FAM178B: variants seen among roughly 807,000 people sequenced by gnomAD.
The protein encoded by FAM178B is protein FAM178B.
In FAM178B, 82 loss-of-function variants were observed where a neutral mutation model predicts 91.7. The observed-to-expected ratio is 0.89, with a 90% CI of 0.75 to 1.07. The LOEUF is 1.07. FAM178B is among the 50% of genes least tolerant of loss of function. The pLI, the probability that FAM178B is intolerant of heterozygous loss-of-function variation, is 0.00. For synonymous variants in FAM178B, 368 were observed against 359.4 expected, an observed-to-expected ratio of 1.02 and a Z score of -0.27; for missense variants, 769 against 846.7, an observed-to-expected ratio of 0.91 and a Z score of 1.14.
chr2:96,972,666 C>A, intron 1 of FAM178B, 60 bp from the exon 2 acceptor site: 2 of 1,469,310 alleles, frequency 1.4e-6, no homozygotes, highest in Admixed American at 3.9e-5. Context: ...AGGTTCTAAA[C>A]CCCGTGATTC....
intron 1 of FAM178B, among the ~76,000 whole-genome samples, chr2:96,981,114 C>T (rs531194282): frequency 1.3e-5 from 2 of 151,998 alleles, no homozygotes; most frequent in African/African-American, 2.4e-5. Context: ...TACAGGCACC[C>T]GCCACCATGC....
intron 1 of FAM178B, among the ~76,000 whole-genome samples, chr2:96,979,444 T>C (rs1056856078): frequency 2.0e-5 from 3 of 151,968 alleles, no homozygotes; most frequent in Admixed American, 6.6e-5. Flanking sequence ...TCAAGTAATC[T>C]GCCCGCCTTA....
intron 8 of FAM178B, among the ~76,000 whole-genome samples, chr2:96,940,285 G>A (rs1332487138): frequency 6.6e-6 from 1 of 152,148 alleles, no homozygotes; most frequent in Non-Finnish European, 1.5e-5. Context: ...CCACACATAT[G>A]GGCAGCTGCT....
At chr2:96,946,893 G>A (rs1039712200) in intron 8 of FAM178B, among the ~76,000 whole-genome samples, 4 of 152,232 alleles carry the variant, frequency 2.6e-5, no homozygotes, top group Non-Finnish European at 1.5e-5. Flanking sequence ...GGGCGGAGGA[G>A]TCTGGAATGC....
intron 16 of FAM178B, among the ~76,000 whole-genome samples, chr2:96,877,091 G>A (rs1262086243): frequency 6.6e-6 from 1 of 152,104 alleles, no homozygotes; most frequent in Non-Finnish European, 1.5e-5. Context: ...GTGGGTTCTT[G>A]AGAAACGGAT....
chr2:96,884,724 G>A lies in FAM178B; in HGVS notation c.1777-6231C>T, dbSNP rs142318803. Reference sequence around the variant, plus strand: ...GTCTTCCCTGCCCCATGAGCAAACCGCACAACCTCTTCCCCTTGGCCAGGC... The same window carrying A: ...GTCTTCCCTGCCCCATGAGCAAACCACACAACCTCTTCCCCTTGGCCAGGC... On this transcript the variant is annotated intron_variant, in intron 14 of 16. Coordinates refer to ENST00000490605, the MANE Select transcript of FAM178B (RefSeq NM_001122646.3). Among the ~76,000 whole-genome samples the A allele has an allele frequency of 8.3e-4, 126 of 152,314 alleles. 1 individual carries two copies. The highest frequency in any genetic ancestry group is 7.3e-3 in the East Asian group (38 of 5,174).
chr2:96,928,289 G>C (rs556664064), intron 9 of FAM178B, among the ~76,000 whole-genome samples: 4 of 152,158 alleles, frequency 2.6e-5, no homozygotes, highest in Non-Finnish European at 5.9e-5. Flanking sequence ...CCTTCTTCAA[G>C]GGTTCTCAAG....
intron 13 of FAM178B, among the ~76,000 whole-genome samples, chr2:96,900,306 C>T (rs1195119436): frequency 6.6e-6 from 1 of 152,096 alleles, no homozygotes; most frequent in Non-Finnish European, 1.5e-5. Context: ...ATGAAGTAAC[C>T]TCAGCACCGG....
intron 12 of FAM178B, among the ~76,000 whole-genome samples, chr2:96,918,110 A>T (rs1305809458): frequency 6.6e-6 from 1 of 151,864 alleles, no homozygotes; most frequent in African/African-American, 2.4e-5. Context: ...AATTCTCTGC[A>T]TTATCCATAA....
rs2081924225 is a variant in FAM178B, at chr2:96,951,357, GTGGCAGGCCTGCGGTCCTC to G, written c.993+3_993+21del. 1 of 1,528,342 alleles carries G rather than the reference GTGGCAGGCCTGCGGTCCTC, an allele frequency of 6.5e-7. No individual in the cohort carries two copies. Among genetic ancestry groups the G allele is most frequent in the African/African-American group, 1.4e-5 (1 of 72,608 alleles). The allele number at this position is 1,528,342 out of a possible 1,614,324, so 94.7% of individuals were successfully genotyped here. On this transcript the variant is annotated splice_donor_5th_base_variant and intron_variant, in intron 7 of 16. Transcript: ENST00000490605. ...CAGACTGCAGCGCTCCCGCCACCTA[GTGGCAGGCCTGCGGTCCTC>G]ACCTGGAACAGCCACTGGAGCAGGG...
chr2:96,956,831 GT>G (rs1344129608), intron 6 of FAM178B: 3 of 152,238 alleles, frequency 2.0e-5, no homozygotes, highest in Non-Finnish European at 4.4e-5. Context: ...CAGCAACTTT[GT>G]GTATGGAATT....
At chr2:96,946,677 C>T (rs879613758) in intron 8 of FAM178B, among the ~76,000 whole-genome samples, 2 of 152,264 alleles carry the variant, frequency 1.3e-5, no homozygotes, top group Non-Finnish European at 2.9e-5. Flanking sequence ...GGCATCCCCT[C>T]TGCCTCAGCG....
chr2:96,934,400 G>A (rs981256556), intron 8 of FAM178B, among the ~76,000 whole-genome samples: 20 of 152,146 alleles, frequency 1.3e-4, no homozygotes, highest in Non-Finnish European at 5.9e-5. Flanking sequence ...AGATGGGGGC[G>A]AGAGAGAAGC....
intron 1 of FAM178B, among the ~76,000 whole-genome samples, chr2:96,981,454 A>G (rs1402958732): frequency 6.6e-6 from 1 of 152,192 alleles, no homozygotes; most frequent in Admixed American, 6.6e-5. Flanking sequence ...CAATTTATCA[A>G]CATTTTCTTC....
At chr2:96,975,849 C>G (rs901264197) in intron 1 of FAM178B, among the ~76,000 whole-genome samples, 1 of 152,194 alleles carries the variant, frequency 6.6e-6, no homozygotes, top group Non-Finnish European at 1.5e-5. Context: ...AAATAACAAG[C>G]GCAGAAGGCT....
At chr2:96,984,062 C>T (rs985490211) in intron 1 of FAM178B, among the ~76,000 whole-genome samples, 5 of 151,958 alleles carry the variant, frequency 3.3e-5, no homozygotes, top group Non-Finnish European at 5.9e-5. Context: ...CTCCGCCTCC[C>T]GGGTTCAAGC....
chr2:96,961,517 C>G (rs2082081634), intron 5 of FAM178B, among the ~76,000 whole-genome samples: 1 of 152,188 alleles, frequency 6.6e-6, no homozygotes, highest in African/African-American at 2.4e-5. Context: ...TAACTATGTT[C>G]TGCTTCATTT....
intron 7 of FAM178B, among the ~76,000 whole-genome samples, chr2:96,951,170 G>A (rs1447931090): frequency 2.0e-5 from 3 of 152,120 alleles, no homozygotes; most frequent in African/African-American, 7.2e-5. Flanking sequence ...GACCACAGGC[G>A]AACCCCCTGC....
chr2:96,943,982 C>T (rs1235243385), intron 8 of FAM178B, among the ~76,000 whole-genome samples: 1 of 152,172 alleles, frequency 6.6e-6, no homozygotes, highest in African/African-American at 2.4e-5. Flanking sequence ...GTGGCTCACA[C>T]CTCTAATCCC....
Sources: allele counts gnomAD v4.1 joint callset (sites outside exome capture counted in the v4.1 genomes callset), GRCh38; gene constraint gnomAD v4.1.1; transcripts MANE v1.5; gene names NCBI Gene and HGNC (gene_info 2026-07-23, HGNC 2026-07-21).